CEP295NL: variants seen among roughly 807,000 people sequenced by gnomAD.
CEP295NL encodes the protein CEP295 N-terminal like, also known as protein DDC8 homolog.
A neutral mutation model predicts 4.6 loss-of-function variants in CEP295NL; 3 were observed. The observed-to-expected ratio is 0.65, with a 90% CI of 0.30 to 1.69. The LOEUF (loss-of-function observed/expected upper bound fraction) is 1.69. CEP295NL is among the 40% of genes most tolerant of loss of function. The pLI is 0.10. For missense variants in CEP295NL, 719 were observed against 769.0 expected, an observed-to-expected ratio of 0.93 and a Z score of 0.77; for synonymous variants, 295 against 312.2, an observed-to-expected ratio of 0.94 and a Z score of 0.58.
In CEP295NL at chr17:78,890,849, T is replaced by G. The variant is rs1057465817; in HGVS notation, c.1655A>C (p.His552Pro). The G allele has an allele frequency of 6.4e-7, 1 of 1,550,534 alleles. No homozygotes were observed. Among genetic ancestry groups the G allele is most frequent in the Non-Finnish European group, 8.7e-7 (1 of 1,147,030 alleles). ...GGCTCTCGTGGAGGAGGACTTCAGA[T>G]GGGCCAGTCGAGCTCTTCTTTGCTC... ...RREQRRARLA[H>P]LKSSSTRAQE... Residue 552 changes from histidine to proline, a missense_variant, in exon 3 of 3, where the codon CAT becomes CCT. His to Pro is a moderately conservative substitution (Grantham distance 77). Transcript: ENST00000322630.
At position 78,896,887 on chromosome 17, in the gene CEP295NL, C is replaced by T; in HGVS notation, c.45-4428G>A. 1.0e-6 allele frequency: 1 copy of T among 982,610 alleles called. No homozygotes were observed. Among genetic ancestry groups the T allele is most frequent in the Non-Finnish European group, 1.2e-6 (1 of 827,454 alleles). The allele number at this position is 982,610 out of a possible 1,614,324, so 60.9% of individuals were successfully genotyped here. On this transcript the variant is annotated intron_variant, in intron 2 of 2. Transcript: ENST00000322630. This position sits in a 1 kb window ranked among gnomAD's most constrained non-coding sequence, Gnocchi z 4.4. ...GCTCCACCCCAGACCGATCCGATCC[C>T]AGCACCTGGGCCCAGGAATGTGCTT...
At chr17:78,895,747 C>T (rs1049137991) in intron 2 of CEP295NL, among the ~76,000 whole-genome samples, 1 of 152,176 alleles carries the variant, frequency 6.6e-6, no homozygotes, top group Non-Finnish European at 1.5e-5. Context: ...CCACCAGGAA[C>T]GGCCACAGGG....
chr17:78,892,605 G>A, intron 2 of CEP295NL, 146 bp from the exon 3 acceptor site: 6 of 1,284,808 alleles, frequency 4.7e-6, no homozygotes, highest in Non-Finnish European at 6.3e-6. Flanking sequence ...TGCCCACCAG[G>A]GCCCACTCTC....
intron 2 of CEP295NL, 46 bp from the exon 3 acceptor site, chr17:78,892,505 G>A: frequency 6.6e-7 from 1 of 1,504,222 alleles, no homozygotes; most frequent in Non-Finnish European, 8.9e-7. Flanking sequence ...TCGCTCCCAG[G>A]AGAGTGAGCA....
Position 78,891,832 on chromosome 17 carries a change from C to T in CEP295NL, c.672G>A (p.Lys224=), listed in dbSNP as rs1831302620. 6.4e-7 allele frequency: 1 copy of T among 1,550,826 alleles called. No homozygotes were observed. The highest frequency in any genetic ancestry group is 8.7e-7 in the Non-Finnish European group (1 of 1,147,052). The change falls in exon 3 of 3, where the codon AAG becomes AAA. Residue 224 remains lysine (K), a synonymous_variant. Coordinates refer to ENST00000322630, the MANE Select transcript of CEP295NL (RefSeq NM_001243540.2). This position sits in a 1 kb window ranked among gnomAD's most constrained non-coding sequence, Gnocchi z 4.5. ...ACTTGGTCGAAGGTTCTGGCCTTCCCTTTCTCTTCTCAGGCGGGGCCAGGT... is the reference window on the plus strand; with the variant it reads ...ACTTGGTCGAAGGTTCTGGCCTTCCTTTTCTCTTCTCAGGCGGGGCCAGGT... The part of the protein sequence containing the change: ...NSHLAPPEKR[K]GRPEPSTKSG...
Position 78,892,323 on chromosome 17 carries a change from C to T in CEP295NL, c.181G>A (p.Gly61Arg). The change falls in exon 3 of 3, where the codon GGA (glycine) becomes AGA (arginine). Residue 61 changes from glycine to arginine, a missense_variant. Gly to Arg is a moderately radical substitution (Grantham distance 125). Transcript: ENST00000322630. The stretch of plus-strand genomic sequence containing the variant: ...GGACAGAGGCTCAGCCACATGGCTC[C>T]ATCCATGTTTCTGTTCCTGTCTGCG... ...GFADRNRNMD[G>R]AMWLSLCPDN... 1 of 1,550,664 alleles carries T rather than the reference C, an allele frequency of 6.4e-7. No homozygotes were observed. Among genetic ancestry groups the T allele is most frequent in the Non-Finnish European group, 8.7e-7 (1 of 1,147,016 alleles).
chr17:78,894,157 C>CT (rs1342303217), intron 2 of CEP295NL, among the ~76,000 whole-genome samples: 3 of 152,046 alleles, frequency 2.0e-5, no homozygotes, highest in Non-Finnish European at 4.4e-5. Context: ...ATCCGTTCAT[C>CT]TTTTTTACAG....
In CEP295NL at chr17:78,891,552, A is replaced by T. The variant is rs573912025; in HGVS notation, c.952T>A (p.Cys318Ser). Residue 318 changes from cysteine to serine, a missense_variant, in exon 3 of 3, where the codon TGC (cysteine) becomes AGC (serine). By Grantham distance (112) the Cys-to-Ser change is moderately radical. Transcript: ENST00000322630. The surrounding 1 kb of genome is among the most constrained non-coding windows in gnomAD (Gnocchi z 4.5). ...GCTGGGGACACGGCTTCCCTTCTGC[A>T]GCTGGAATCAGCTGGCCACAGCTGC... ...LGQLWPADSS[C>S]RREAVSPASQ... The T allele has an allele frequency of 6.4e-6, 10 of 1,550,860 alleles. No homozygotes were observed. In the Admixed American group the frequency reaches 2.0e-4, roughly 30 times the overall value.
At chr17:78,901,511 G>A (rs73395191) in intron 2 of CEP295NL, among the ~76,000 whole-genome samples, 2,622 of 152,220 alleles carry the variant, frequency 0.017, 75 homozygotes, top group African/African-American at 0.06. Flanking sequence ...AACTCCTTTG[G>A]TCAGGAGGGG....
intron 2 of CEP295NL, among the ~76,000 whole-genome samples, chr17:78,894,062 A>C (rs532536880): frequency 1.3e-5 from 2 of 152,320 alleles, no homozygotes; most frequent in East Asian, 3.9e-4. Context: ...CTGAAGTCAC[A>C]TGTAGTTGCA....
intron 2 of CEP295NL, chr17:78,897,997 C>G (rs938324325): frequency 6.6e-6 from 1 of 152,230 alleles, no homozygotes; most frequent in Admixed American, 6.5e-5. Context: ...ATGACACCAT[C>G]GGATGCAACC....
rs888207186 is a variant in CEP295NL at position 78,891,514 on chromosome 17, C to T, written c.990G>A (p.Thr330=). The T allele has an allele frequency of 1.8e-5, 28 of 1,551,070 alleles. No homozygotes were observed. Among genetic ancestry groups the T allele is most frequent in the African/African-American group, 2.7e-5 (2 of 73,050 alleles). The part of the protein sequence containing the change: ...REAVSPASQC[T]LREKNKWQKE... ...TCTGCCACTTGTTCTTCTCCCGGAGCGTGCACTGAGATGCTGGGGACACGG... is the reference window on the plus strand; with the variant it reads ...TCTGCCACTTGTTCTTCTCCCGGAGTGTGCACTGAGATGCTGGGGACACGG... The change falls in exon 3 of 3, where the codon ACG becomes ACA. Residue 330 remains threonine, a synonymous_variant. Transcript: ENST00000322630. The surrounding 1 kb of genome is among the most constrained non-coding windows in gnomAD (Gnocchi z 4.5).
chr17:78,891,462 ACT>A lies in CEP295NL; in HGVS notation c.1040_1041del (p.Glu347ValfsTer3), dbSNP rs2069893059. ...WQKELELAFE[E>X]LFNINRKLKK... The stretch of plus-strand genomic sequence containing the variant: ...TTCAGCTTTCTGTTTATATTAAACA[ACT>A]CTTCAAAGGCCAACTCCAGCTCTTT... On this transcript the variant is annotated frameshift_variant, in exon 3 of 3. Coordinates refer to ENST00000322630, the MANE Select transcript of CEP295NL (RefSeq NM_001243540.2). LOFTEE classifies it low-confidence loss of function (END_TRUNC). The surrounding 1 kb of genome is among the most constrained non-coding windows in gnomAD (Gnocchi z 4.5). 1.3e-6 allele frequency: 2 copies of A among 1,550,828 alleles called. No individual in the cohort carries two copies. The highest frequency in any genetic ancestry group is 8.7e-7 in the Non-Finnish European group (1 of 1,147,044).
intron 2 of CEP295NL, 135 bp from the exon 3 acceptor site, chr17:78,892,594 G>T: frequency 7.4e-7 from 1 of 1,357,424 alleles, no homozygotes; most frequent in Non-Finnish European, 9.8e-7. Flanking sequence ...CTCTTGACCC[G>T]TGCCCACCAG....
intron 2 of CEP295NL, 159 bp from the exon 3 acceptor site, chr17:78,892,618 C>A: frequency 8.9e-7 from 1 of 1,128,206 alleles, no homozygotes; most frequent in Non-Finnish European, 1.2e-6. Context: ...CCACTCTCAG[C>A]CTCCCAATTT....
Position 78,892,048 on chromosome 17 carries a change from C to T in CEP295NL, c.456G>A (p.Ser152=), listed in dbSNP as rs777572406. 5.9e-5 allele frequency: 91 copies of T among 1,550,890 alleles called. No homozygotes were observed. The highest frequency in any genetic ancestry group is 1.2e-4 in the South Asian group (10 of 84,060). The change falls in exon 3 of 3, where the codon TCG becomes TCA. Residue 152 remains serine, a synonymous_variant. Transcript: ENST00000322630. ...CTGATCTTCGCTGGATGGGCCCCTG[C>T]GAGTCAGGCTCATTTTCCCTGGCCC... ...GGRARENEPD[S]QGPIQRRSAR... is the part of the protein sequence containing the mutation.
At position 78,891,189 on chromosome 17, in the gene CEP295NL, C is replaced by T. The variant is rs763995168; in HGVS notation, c.1315G>A (p.Val439Ile). ...KAQNQKYQGT[V>I]KPTFRNGSQT... is the part of the protein sequence containing the mutation. ...CTTCCATTTCTAAACGTGGGCTTGA[C>T]CGTGCCCTGATATTTTTGGTTCTGG... Residue 439 changes from valine to isoleucine, a missense_variant, in exon 3 of 3, where the codon GTC (valine) becomes ATC (isoleucine). Physicochemically the swap from Val to Ile is conservative, Grantham distance 29. Coordinates refer to ENST00000322630, the MANE Select transcript of CEP295NL (RefSeq NM_001243540.2). This position sits in a 1 kb window ranked among gnomAD's most constrained non-coding sequence, Gnocchi z 4.5. 32 of 1,550,572 alleles carry T rather than the reference C, an allele frequency of 2.1e-5. No homozygotes were observed. The South Asian group carries it at 3.7e-4, about 18-fold the overall frequency.
At chr17:78,895,544 T>C (rs2069986514) in intron 2 of CEP295NL, among the ~76,000 whole-genome samples, 1 of 152,028 alleles carries the variant, frequency 6.6e-6, no homozygotes, top group Non-Finnish European at 1.5e-5. Context: ...GAATGGAAAA[T>C]GGTGCAGCCA....
At position 78,891,020 on chromosome 17, in the gene CEP295NL, C is replaced by CT. The variant is rs757128029; in HGVS notation, c.1483dup (p.Arg495LysfsTer27). On this transcript the variant is annotated frameshift_variant, in exon 3 of 3. Transcript: ENST00000322630. LOFTEE classifies it low-confidence loss of function (END_TRUNC). The surrounding 1 kb of genome is among the most constrained non-coding windows in gnomAD (Gnocchi z 4.5). ...TTGCCTGGATGCCGTCGAGCCCACT[C>CT]TGTCTGCCTGGTCTTGAAGGTGGAG... is the stretch of plus-strand genomic sequence containing the variant. 26 of 1,551,236 alleles carry CT rather than the reference C, an allele frequency of 1.7e-5. No homozygotes were observed. The highest frequency in any genetic ancestry group is 2.3e-5 in the Non-Finnish European group (26 of 1,147,152).
Sources: gnomAD v4.1 joint callset for allele counts (sites outside exome capture counted in the v4.1 genomes callset) on GRCh38, gnomAD v4.1.1 for gene constraint, Gnocchi (gnomAD v3.1) non-coding constraint, MANE v1.5 for transcripts, NCBI Gene and HGNC (gene_info 2026-07-23, HGNC 2026-07-21) for gene names.